Variants in TMEM131L observed in about 807,000 individuals in gnomAD.
TMEM131L encodes the protein transmembrane 131 like.
TMEM131L carries 54 observed loss-of-function variants against 192.2 expected under a neutral mutation model. The ratio of observed to expected loss-of-function variants is 0.28; its 90% confidence interval spans 0.23 to 0.35. The LOEUF is 0.35. TMEM131L is among the 10% of genes least tolerant of loss of function. The pLI is 1.00. For missense variants in TMEM131L, 1,888 were observed against 1,972.9 expected (o/e 0.96, Z 0.82); for synonymous variants, 701 against 704.9 (o/e 0.99, Z 0.09).
intron 7 of TMEM131L, among the ~76,000 whole-genome samples, chr4:153,574,770 T>C (rs1421117306): frequency 6.6e-6 from 1 of 152,182 alleles, no homozygotes; most frequent in Non-Finnish European, 1.5e-5. Context: ...GTATTTTTAC[T>C]AGAGACAGGG....
Position 153,585,512 on chromosome 4 carries a change from C to T in TMEM131L, c.1212C>T (p.Asn404=), listed in dbSNP as rs1730641811. The T allele has an allele frequency of 6.2e-7, 1 of 1,613,816 alleles. No individual in the cohort carries two copies. Among genetic ancestry groups the T allele is most frequent in the South Asian group, 1.1e-5 (1 of 91,080 alleles). The change falls in exon 13 of 35, where the codon AAC becomes AAT. Residue 404 remains asparagine (N), a synonymous_variant. Transcript: ENST00000409959. ...AGTTTCACATAGAGACTCATGAGAA[C>T]ACATCAGGACTTTGGTCAATATGGT... ...ATQFHIETHE[N]TSGLWSIWYR...
chr4:153,492,098 C>G (rs1732831775), intron 3 of TMEM131L, among the ~76,000 whole-genome samples: 1 of 151,936 alleles, frequency 6.6e-6, no homozygotes, highest in Admixed American at 6.6e-5. Flanking sequence ...AAATCCTGGG[C>G]TCAAGCGATC....
At chr4:153,575,198 GCA>G (rs1331485775) in intron 7 of TMEM131L, among the ~76,000 whole-genome samples, 1 of 152,056 alleles carries the variant, frequency 6.6e-6, no homozygotes, top group East Asian at 1.9e-4. Flanking sequence ...CTGTTTAATT[GCA>G]CACAGTCCCC....
intron 32 of TMEM131L, 106 bp from the exon 33 acceptor site, chr4:153,634,086 G>A: frequency 1.1e-6 from 1 of 919,114 alleles, no homozygotes; most frequent in South Asian, 1.4e-5. Flanking sequence ...CCAAAATTGG[G>A]GAATTCACAG....
At chr4:153,487,798 G>A (rs1195924406) in intron 3 of TMEM131L, among the ~76,000 whole-genome samples, 1 of 151,140 alleles carries the variant, frequency 6.6e-6, no homozygotes, top group Admixed American at 6.6e-5. Flanking sequence ...GCGAGAGAGA[G>A]GAGCCAGGGA....
At chr4:153,530,970 T>G (rs1385521951) in intron 3 of TMEM131L, among the ~76,000 whole-genome samples, 1 of 152,220 alleles carries the variant, frequency 6.6e-6, no homozygotes, top group Non-Finnish European at 1.5e-5. Context: ...ATTAAATCCC[T>G]TTCTGCTTAA....
At chr4:153,575,609 G>C (rs1729880387) in intron 7 of TMEM131L, among the ~76,000 whole-genome samples, 2 of 152,050 alleles carry the variant, frequency 1.3e-5, no homozygotes, top group South Asian at 2.1e-4. Context: ...TCTTCTAAAA[G>C]GGGATAATAC....
intron 16 of TMEM131L, among the ~76,000 whole-genome samples, chr4:153,590,188 T>A (rs932944970): frequency 6.6e-6 from 1 of 152,238 alleles, no homozygotes; most frequent in African/African-American, 2.4e-5. Flanking sequence ...TTCTTTAGAC[T>A]AGTGTTCCTA....
chr4:153,484,287 A>G (rs908085712), intron 3 of TMEM131L, among the ~76,000 whole-genome samples: 2 of 152,170 alleles, frequency 1.3e-5, no homozygotes, highest in Non-Finnish European at 2.9e-5. Context: ...GCAGTATTTT[A>G]CAGATGTGTG....
chr4:153,608,048 G>C (rs990078521), intron 25 of TMEM131L, among the ~76,000 whole-genome samples: 1 of 152,082 alleles, frequency 6.6e-6, no homozygotes, highest in Non-Finnish European at 1.5e-5. Flanking sequence ...TTGAACCCAG[G>C]AGGTCAAGGC....
At chr4:153,632,930 A>G (rs1734313559) in intron 32 of TMEM131L, 92 bp downstream of exon 32, 3 of 1,478,876 alleles carry the variant, frequency 2.0e-6, no homozygotes, top group South Asian at 1.2e-5. Flanking sequence ...CCTTACAAAA[A>G]TGAAGGCTAG....
Position 153,555,153 on chromosome 4 carries a change from C to G in TMEM131L, c.309-634C>G, listed in dbSNP as rs768554318. On this transcript the variant is annotated intron_variant, in intron 4 of 34. Coordinates refer to ENST00000409959, the MANE Select transcript of TMEM131L (RefSeq NM_001131007.2). The surrounding 1 kb of genome is among the most constrained non-coding windows in gnomAD (Gnocchi z 4.1). ...GAGAACCTCTGCTGCAAAGTGCTGC[C>G]GGATTTTCAGTTTTCTCAAAAGAAT... 3.9e-5 allele frequency among the ~76,000 whole-genome samples: 6 copies of G among 152,072 alleles called. No individual in the cohort carries two copies. Among genetic ancestry groups the G allele is most frequent in the East Asian group, 3.8e-4 (2 of 5,202 alleles).
At chr4:153,521,241 G>A (rs993163847) in intron 3 of TMEM131L, among the ~76,000 whole-genome samples, 2 of 152,160 alleles carry the variant, frequency 1.3e-5, no homozygotes, top group East Asian at 1.9e-4. Flanking sequence ...TGGCTGTGGC[G>A]GCTGTCAGGG....
In TMEM131L at chr4:153,550,063, C is replaced by G. The variant is rs745675183; in HGVS notation, c.240-10C>G. On this transcript the variant is annotated splice_polypyrimidine_tract_variant and intron_variant, in intron 3 of 34. Transcript: ENST00000409959. Reference sequence around the variant, plus strand: ...CTACAACAAAATCAACCTCTCTTTTCTTTTTTTAGCTTCTCGGACAAACTA... The same window carrying G: ...CTACAACAAAATCAACCTCTCTTTTGTTTTTTTAGCTTCTCGGACAAACTA... 7.0e-7 allele frequency: 1 copy of G among 1,430,738 alleles called. No homozygotes were observed. Among genetic ancestry groups the G allele is most frequent in the Non-Finnish European group, 9.3e-7 (1 of 1,070,256 alleles). The allele number at this position is 1,430,738 out of a possible 1,614,324, so 88.6% of individuals were successfully genotyped here.
At chr4:153,561,326 G>A (rs1017400357) in intron 7 of TMEM131L, among the ~76,000 whole-genome samples, 1 of 152,100 alleles carries the variant, frequency 6.6e-6, no homozygotes, top group South Asian at 2.1e-4. Context: ...CTTTCTATAG[G>A]TTGTCTTTTC....
intron 25 of TMEM131L, among the ~76,000 whole-genome samples, chr4:153,605,646 C>T (rs1315188845): frequency 6.6e-6 from 1 of 152,240 alleles, no homozygotes; most frequent in Non-Finnish European, 1.5e-5. Context: ...TGAGCCACTG[C>T]TCCCAGCCTA....
intron 7 of TMEM131L, among the ~76,000 whole-genome samples, chr4:153,568,233 G>A (rs1162774156): frequency 5.9e-5 from 9 of 152,248 alleles, no homozygotes; most frequent in East Asian, 1.9e-4. Context: ...GGAGGGGCGC[G>A]TCATGAAGAC....
chr4:153,605,010 T>A (rs910110982), intron 25 of TMEM131L, among the ~76,000 whole-genome samples: 2 of 151,844 alleles, frequency 1.3e-5, no homozygotes, highest in Non-Finnish European at 2.9e-5. Context: ...GCCTAAATTA[T>A]TTTTTTTAGC....
intron 7 of TMEM131L, among the ~76,000 whole-genome samples, chr4:153,577,780 G>T (rs979600886): frequency 1.4e-4 from 22 of 152,306 alleles, no homozygotes; most frequent in African/African-American, 5.1e-4. Context: ...CAGGTTTCTG[G>T]CTTAAACAAC....
Sources: allele counts gnomAD v4.1 joint callset (sites outside exome capture counted in the v4.1 genomes callset), GRCh38; gene constraint gnomAD v4.1.1; non-coding constraint Gnocchi (gnomAD v3.1); transcripts MANE v1.5; gene names NCBI Gene and HGNC (gene_info 2026-07-23, HGNC 2026-07-21).